The following ULK4 variants were observed in gnomAD, a reference collection of about 807,000 sequenced individuals.
ULK4 encodes the protein inactive serine/threonine-protein kinase ULK4.
In ULK4, 133 loss-of-function variants were observed where a neutral mutation model predicts 160.6. That is an observed-to-expected ratio of 0.83 (90% CI 0.72 to 0.96). ULK4 has a LOEUF of 0.96. ULK4 is among the 40% of genes least tolerant of loss of function. The pLI is 0.00. For missense variants in ULK4, 1,580 were observed against 1,499.5 expected (o/e 1.05, Z -0.89); for synonymous variants, 534 against 539.8 (o/e 0.99, Z 0.15).
chr3:41,898,335 AT>A (rs755109166), intron 14 of ULK4, 96 bp downstream of exon 14: 11 of 746,934 alleles, frequency 1.5e-5, no homozygotes, highest in Non-Finnish European at 2.4e-5. Context: ...GACAAAATAA[AT>A]TTAGTTATTC....
At chr3:41,765,442 G>A (rs930990673) in intron 21 of ULK4, among the ~76,000 whole-genome samples, 19 of 152,058 alleles carry the variant, frequency 1.2e-4, no homozygotes, top group Non-Finnish European at 1.3e-4. Context: ...AGCATTAGGA[G>A]ATATACCTAA....
chr3:41,907,916 TGCTAGTTCTG>T lies in ULK4; in HGVS notation c.1101_1110del (p.Arg368LeufsTer5). On this transcript the variant is annotated frameshift_variant, in exon 12 of 37. Coordinates refer to ENST00000301831, the MANE Select transcript of ULK4 (RefSeq NM_017886.4). LOFTEE classifies it high-confidence loss of function. ...TCACCAGGACTTACTTCCACTGCAG[TGCTAGTTCTG>T]GGAGTAGGACGAGAACTGAAAAATA... The T allele has an allele frequency of 6.2e-7, 1 of 1,607,624 alleles. No individual in the cohort carries two copies. Among genetic ancestry groups the T allele is most frequent in the Non-Finnish European group, 8.5e-7 (1 of 1,177,300 alleles).
intron 34 of ULK4, among the ~76,000 whole-genome samples, chr3:41,450,345 G>C (rs2083397890): frequency 6.6e-6 from 1 of 152,128 alleles, no homozygotes; most frequent in Non-Finnish European, 1.5e-5. Flanking sequence ...CTGCACATAA[G>C]CAAGTCTAGG....
rs373904837 is a variant in ULK4, at chr3:41,758,852, G to A, written c.2194-4364C>T. Among the ~76,000 whole-genome samples, 13 of 150,130 alleles carry A rather than the reference G, an allele frequency of 8.7e-5. No individual in the cohort carries two copies. The South Asian group carries it at 1.5e-3, about 17-fold the overall frequency. On this transcript the variant is annotated intron_variant, in intron 21 of 36. Transcript: ENST00000301831. ...CGCGCCACTGCACTCCAGCCTGGGC[G>A]ACAGAGCAAGACTCCATCTCAATTA...
chr3:41,746,325 A>G (rs2125887125), intron 22 of ULK4, among the ~76,000 whole-genome samples: 1 of 148,972 alleles, frequency 6.7e-6, no homozygotes, highest in African/African-American at 2.5e-5. Context: ...TGAGTTTAGT[A>G]ACGCTGTAGA....
At chr3:41,928,565 GT>G (rs138310421) in intron 5 of ULK4, among the ~76,000 whole-genome samples, 9 of 142,022 alleles carry the variant, frequency 6.3e-5, no homozygotes, top group African/African-American at 2.0e-4. Flanking sequence ...TCTAGGAGCT[GT>G]TTTTTTTTAA....
chr3:41,262,793 C>T (rs1257823843), intron 35 of ULK4, among the ~76,000 whole-genome samples: 1 of 152,192 alleles, frequency 6.6e-6, no homozygotes, highest in Non-Finnish European at 1.5e-5. Context: ...TTCATAATTA[C>T]ATCAGTTTCT....
chr3:41,694,293 A>G (rs964070936), intron 27 of ULK4, among the ~76,000 whole-genome samples: 3 of 152,222 alleles, frequency 2.0e-5, no homozygotes, highest in Non-Finnish European at 2.9e-5. Context: ...GCCGTCCCTC[A>G]GTATCCACAG....
At position 41,641,320 on chromosome 3, in the gene ULK4, C is replaced by A. The variant is rs56305811; in HGVS notation, c.3071+22287G>T. Among the ~76,000 whole-genome samples, 151 of 152,154 alleles carry A rather than the reference C, an allele frequency of 9.9e-4. 4 individuals carry two copies. In the East Asian group the frequency reaches 0.028, roughly 29 times the overall value. On this transcript the variant is annotated intron_variant, in intron 30 of 36. Coordinates refer to ENST00000301831, the MANE Select transcript of ULK4 (RefSeq NM_017886.4). ...TTTTGCTTCTGAAGATAAGACTGTG[C>A]ATATTAGTAGGGGCTAAGTTGTCGA...
intron 35 of ULK4, among the ~76,000 whole-genome samples, chr3:41,282,339 C>G (rs1015109732): frequency 6.6e-6 from 1 of 152,166 alleles, no homozygotes; most frequent in Non-Finnish European, 1.5e-5. Flanking sequence ...CCTGCATTGC[C>G]AAGATAATTC....
chr3:41,535,408 C>T (rs2086463225), intron 32 of ULK4, among the ~76,000 whole-genome samples: 1 of 152,126 alleles, frequency 6.6e-6, no homozygotes. Context: ...GTGGCTAACA[C>T]AATGCAGTGA....
chr3:41,882,139 C>T (rs997443024), intron 17 of ULK4: 6 of 697,546 alleles, frequency 8.6e-6, no homozygotes, highest in Admixed American at 4.0e-5. Flanking sequence ...CACTGCCACA[C>T]GGAGTCCCAA....
At chr3:41,568,794 C>A (rs373105687) in intron 31 of ULK4, among the ~76,000 whole-genome samples, 4 of 152,284 alleles carry the variant, frequency 2.6e-5, no homozygotes, top group East Asian at 3.9e-4. Context: ...TTCAACTCCA[C>A]AAAATCTACC....
intron 32 of ULK4, among the ~76,000 whole-genome samples, chr3:41,466,026 A>T (rs555883487): frequency 6.6e-6 from 1 of 152,288 alleles, no homozygotes; most frequent in African/African-American, 2.4e-5. Flanking sequence ...AACATAATGC[A>T]TTTTTAAATA....
chr3:41,470,018 G>GAAAAAAAAAAAAAAAAAAAAAAAA lies in ULK4; in HGVS notation c.3227-6789_3227-6766dup, dbSNP rs71094650. Among the ~76,000 whole-genome samples the GAAAAAAAAAAAAAAAAAAAAAAAA allele has an allele frequency of 2.4e-3, 109 of 45,972 alleles. 4 individuals are homozygous for GAAAAAAAAAAAAAAAAAAAAAAAA. The highest frequency in any genetic ancestry group is 2.9e-3 in the Non-Finnish European group (78 of 26,534). 30.2% of individuals were successfully genotyped at this position (45,972 alleles called of 152,430 possible). A position where few individuals can be genotyped will look rare whatever the true frequency, so the allele number is the denominator to read the frequency against. ...GAGGAATTCAAGAAGAAACAGAACA[G>GAAAAAAAAAAAAAAAAAAAAAAAA]AAAAAAAAAAAAAAAAAAAAAAAAA... On this transcript the variant is annotated intron_variant, in intron 32 of 36. Transcript: ENST00000301831.
At chr3:41,506,773 T>TATATATAAATATATATATAA in intron 32 of ULK4, among the ~76,000 whole-genome samples, 1 of 20,108 alleles carries the variant, frequency 5.0e-5, no homozygotes, top group South Asian at 2.1e-3. Context: ...TTAAAATATA[T>TATATATAAATATATATATAA]ATATATATAT....
Position 41,685,994 on chromosome 3 carries a change from A to AAT in ULK4, c.2782-4192_2782-4191dup, listed in dbSNP as rs1424303786. Among the ~76,000 whole-genome samples the AAT allele has an allele frequency of 2.0e-5, 3 of 152,248 alleles. No homozygotes were observed. The South Asian group carries it at 6.2e-4, about 32-fold the overall frequency. On this transcript the variant is annotated intron_variant, in intron 27 of 36. Transcript: ENST00000301831. ...ACAGGAATATCGTGATCTTAGCAAG[A>AAT]ATATATATATGGATATAAATGTATA... is the stretch of plus-strand genomic sequence containing the variant.
intron 32 of ULK4, among the ~76,000 whole-genome samples, chr3:41,536,151 T>C (rs950040741): frequency 4.6e-5 from 7 of 152,176 alleles, no homozygotes; most frequent in East Asian, 3.9e-4. Flanking sequence ...ATCCCTCAGA[T>C]TGTCAACCTC....
Position 41,878,258 on chromosome 3 carries a change from T to C in ULK4, c.1656+5616A>G, listed in dbSNP as rs4504147. Among the ~76,000 whole-genome samples the C allele has an allele frequency of 6.0e-3, 906 of 151,814 alleles. 11 individuals are homozygous for C. Among genetic ancestry groups the C allele is most frequent in the African/African-American group, 0.021 (855 of 41,422 alleles). On this transcript the variant is annotated intron_variant, in intron 17 of 36. Coordinates refer to ENST00000301831, the MANE Select transcript of ULK4 (RefSeq NM_017886.4). ...GCCAGCAAGCTGTCAGAGACAGGAG[T>C]AGGCTCATGTCAAAGGGAGAAAGGA... is the stretch of plus-strand genomic sequence containing the variant.
Sources: allele counts gnomAD v4.1 joint callset (sites outside exome capture counted in the v4.1 genomes callset), GRCh38; gene constraint gnomAD v4.1.1; transcripts MANE v1.5; gene names NCBI Gene and HGNC (gene_info 2026-07-23, HGNC 2026-07-21).